Variants in SLC35F3 observed in about 807,000 individuals in gnomAD.
The protein encoded by SLC35F3 is solute carrier family 35 member F3.
In SLC35F3, 25 loss-of-function variants were observed where a neutral mutation model predicts 49.9. The ratio of observed to expected loss-of-function variants is 0.50; its 90% CI spans 0.37 to 0.70. The LOEUF is 0.70. Among genes scored for constraint, SLC35F3 ranks in the 30% least tolerant of loss-of-function variants. The probability of loss-of-function intolerance (pLI) is 0.00; values close to 1 mark genes in which losing one functional copy is unlikely to be tolerated. For missense variants in SLC35F3, 525 were observed against 639.8 expected, an observed-to-expected ratio of 0.82 and a Z score of 1.94; for synonymous variants, 275 against 265.4, an observed-to-expected ratio of 1.04 and a Z score of -0.35.
At chr1:234,275,735 C>T (rs1668196795) in intron 3 of SLC35F3, among the ~76,000 whole-genome samples, 1 of 139,226 alleles carries the variant, frequency 7.2e-6, no homozygotes, top group Non-Finnish European at 1.5e-5. Context: ...ATAAATGAAA[C>T]ATCATTGGTA....
At chr1:234,299,684 A>G (rs1294232030) in intron 3 of SLC35F3, among the ~76,000 whole-genome samples, 1 of 151,898 alleles carries the variant, frequency 6.6e-6, no homozygotes, top group African/African-American at 2.4e-5. Flanking sequence ...AGGCGCCTGT[A>G]GTCCCACCAA....
At chr1:234,116,751 T>A (rs1201423157) in intron 2 of SLC35F3, among the ~76,000 whole-genome samples, 1 of 152,160 alleles carries the variant, frequency 6.6e-6, no homozygotes, top group Non-Finnish European at 1.5e-5. Context: ...TGACCTCAAG[T>A]GATCCACCCG....
At chr1:234,081,873 G>A (rs902470824) in intron 2 of SLC35F3, among the ~76,000 whole-genome samples, 2 of 146,190 alleles carry the variant, frequency 1.4e-5, no homozygotes, top group African/African-American at 2.6e-5. Flanking sequence ...GAGTAACTGG[G>A]ACTACAGGCG....
chr1:233,972,319 G>A (rs4478876), intron 2 of SLC35F3, among the ~76,000 whole-genome samples: 150,375 of 152,332 alleles, frequency 0.99, 74,254 homozygotes, highest in Middle Eastern at 1. Flanking sequence ...GAAGCATCAA[G>A]CATATTTTAC....
intron 2 of SLC35F3, among the ~76,000 whole-genome samples, chr1:233,963,243 C>A (rs905273936): frequency 6.6e-6 from 1 of 152,016 alleles, no homozygotes; most frequent in Non-Finnish European, 1.5e-5. Context: ...CAGTCTATTT[C>A]TCCCCATTGT....
At chr1:234,050,205 A>G (rs1044852027) in intron 2 of SLC35F3, among the ~76,000 whole-genome samples, 20 of 152,238 alleles carry the variant, frequency 1.3e-4, no homozygotes, top group Non-Finnish European at 2.8e-4. Flanking sequence ...TCCTTGAGGA[A>G]TCGCCACACT....
intron 2 of SLC35F3, among the ~76,000 whole-genome samples, chr1:234,029,962 C>A (rs1664034841): frequency 6.6e-6 from 1 of 152,156 alleles, no homozygotes; most frequent in African/African-American, 2.4e-5. Context: ...ATTAGTTTTT[C>A]TGCCATGCTT....
chr1:233,914,546 G>A (rs1487794330), intron 2 of SLC35F3, among the ~76,000 whole-genome samples: 4 of 152,190 alleles, frequency 2.6e-5, no homozygotes, highest in Admixed American at 6.5e-5. Context: ...GGATTTCAGA[G>A]CCATTTCCAT....
intron 2 of SLC35F3, among the ~76,000 whole-genome samples, chr1:234,003,389 A>G (rs562572485): frequency 2.4e-4 from 37 of 152,286 alleles, no homozygotes; most frequent in African/African-American, 8.4e-4. Flanking sequence ...AGACAATAAT[A>G]TGACAGGTAA....
chr1:234,204,345 C>CAA (rs34219692), intron 2 of SLC35F3, among the ~76,000 whole-genome samples: 121,551 of 152,042 alleles, frequency 0.8, 49,474 homozygotes, highest in East Asian at 0.98. Flanking sequence ...AAAAGCAAAA[C>CAA]AGATTGACAA....
intron 2 of SLC35F3, among the ~76,000 whole-genome samples, chr1:233,987,555 T>C (rs1360986782): frequency 6.7e-6 from 1 of 149,508 alleles, no homozygotes; most frequent in Non-Finnish European, 1.5e-5. Flanking sequence ...TTTTAGTATA[T>C]TGATTTTGCA....
intron 2 of SLC35F3, among the ~76,000 whole-genome samples, chr1:234,218,905 T>A (rs1378521116): frequency 6.6e-6 from 1 of 151,870 alleles, no homozygotes; most frequent in African/African-American, 2.4e-5. Context: ...AAAAATTAGC[T>A]GGACATGGTG....
chr1:234,291,873 G>A (rs1317455900), intron 3 of SLC35F3, among the ~76,000 whole-genome samples: 1 of 152,176 alleles, frequency 6.6e-6, no homozygotes, highest in Non-Finnish European at 1.5e-5. Context: ...AAAATATTGG[G>A]AGCTAGTGAT....
At chr1:234,040,462 C>T (rs1451576841) in intron 2 of SLC35F3, among the ~76,000 whole-genome samples, 1 of 152,188 alleles carries the variant, frequency 6.6e-6, no homozygotes. Flanking sequence ...CCGGGCTTCA[C>T]CAGGGACCCG....
intron 2 of SLC35F3, among the ~76,000 whole-genome samples, chr1:233,941,437 C>T (rs1248202015): frequency 1.3e-5 from 2 of 152,176 alleles, no homozygotes; most frequent in Admixed American, 6.5e-5. Flanking sequence ...GTGAATCTCT[C>T]GCATTAGAAC....
intron 2 of SLC35F3, among the ~76,000 whole-genome samples, chr1:234,029,862 A>AAAT: frequency 6.6e-6 from 1 of 152,206 alleles, no homozygotes; most frequent in African/African-American, 2.4e-5. Flanking sequence ...ACTCTGTCTC[A>AAAT]AATAATAATA....
intron 2 of SLC35F3, among the ~76,000 whole-genome samples, chr1:234,019,341 A>T (rs1386683056): frequency 6.6e-6 from 1 of 151,400 alleles, no homozygotes; most frequent in Non-Finnish European, 1.5e-5. Context: ...CAGGGTGTGT[A>T]TGTGCATGTA....
intron 3 of SLC35F3, among the ~76,000 whole-genome samples, chr1:234,251,732 A>G (rs1255062488): frequency 6.6e-6 from 1 of 152,206 alleles, no homozygotes; most frequent in Non-Finnish European, 1.5e-5. Flanking sequence ...TATACTCTGA[A>G]GCCTCAGTAA....
At chr1:233,980,393 C>T (rs1421241876) in intron 2 of SLC35F3, among the ~76,000 whole-genome samples, 1 of 152,146 alleles carries the variant, frequency 6.6e-6, no homozygotes, top group Non-Finnish European at 1.5e-5. Context: ...GAATTAGTGC[C>T]CACCTGGGAC....
Sources: gnomAD v4.1 joint callset for allele counts (sites outside exome capture counted in the v4.1 genomes callset) on GRCh38, gnomAD v4.1.1 for gene constraint, MANE v1.5 for transcripts, NCBI Gene and HGNC (gene_info 2026-07-23, HGNC 2026-07-21) for gene names.